MYH9: variants seen among roughly 807,000 people sequenced by gnomAD.
MYH9 encodes the protein myosin heavy chain 9.
In MYH9, 29 loss-of-function variants were observed where a neutral mutation model predicts 241.9. That is an observed-to-expected ratio of 0.12 (90% CI 0.09 to 0.16). MYH9 has a LOEUF of 0.16. Among genes scored for constraint, MYH9 ranks in the 10% least tolerant of loss-of-function variants. The pLI, the probability that MYH9 is intolerant of heterozygous loss-of-function variation, is 1.00. For missense variants in MYH9, 1,803 were observed against 2,595.5 expected, an observed-to-expected ratio of 0.69 and a Z score of 6.63; for synonymous variants, 1,047 against 1,062.6, an observed-to-expected ratio of 0.99 and a Z score of 0.29.
chr22:36,383,828 C>T (rs754473443), intron 1 of MYH9, among the ~76,000 whole-genome samples: 33 of 151,882 alleles, frequency 2.2e-4, no homozygotes, highest in Non-Finnish European at 3.8e-4. Context: ...CGCATGGTGG[C>T]GGGCACCTGT....
intron 1 of MYH9, among the ~76,000 whole-genome samples, chr22:36,366,934 G>C (rs552860903): frequency 3.3e-5 from 5 of 151,894 alleles, no homozygotes; most frequent in African/African-American, 4.9e-5. Flanking sequence ...CGACACTCAC[G>C]TGTGCACACT....
chr22:36,368,368 C>T (rs1476476058), intron 1 of MYH9, among the ~76,000 whole-genome samples: 2 of 152,304 alleles, frequency 1.3e-5, no homozygotes, highest in Middle Eastern at 3.4e-3. Context: ...CACTAGCTGC[C>T]GGTGTCTGTA....
At chr22:36,340,435 T>G (rs2017567362) in intron 3 of MYH9, among the ~76,000 whole-genome samples, 1 of 151,346 alleles carries the variant, frequency 6.6e-6, no homozygotes, top group Non-Finnish European at 1.5e-5. Context: ...CCGAGGTGGG[T>G]GGATCACCTG....
At chr22:36,357,641 A>G (rs2017877067) in intron 1 of MYH9, among the ~76,000 whole-genome samples, 1 of 152,158 alleles carries the variant, frequency 6.6e-6, no homozygotes, top group African/African-American at 2.4e-5. Flanking sequence ...ACGCAGCACT[A>G]TGAAGCCAGA....
intron 13 of MYH9, 22 bp downstream of exon 13, chr22:36,314,123 T>G (rs755188501): frequency 2.1e-5 from 34 of 1,611,750 alleles, no homozygotes; most frequent in Non-Finnish European, 2.8e-5. Flanking sequence ...AGGTGTGAGG[T>G]CAAAGCAAGC....
Position 36,288,686 on chromosome 22 carries a change from C to G in MYH9, c.4770+41G>C. 1 of 1,597,034 alleles carries G rather than the reference C, an allele frequency of 6.3e-7. No individual in the cohort carries two copies. The highest frequency in any genetic ancestry group is 1.1e-5 in the South Asian group (1 of 91,010). ...AACAGAAGCCTGCGTGAAGCCAAGG[C>G]AGCCTTGGGCACCCATGGGGTAGCA... On this transcript the variant is annotated intron_variant, in intron 33 of 40. Coordinates refer to ENST00000216181, the MANE Select transcript of MYH9 (RefSeq NM_002473.6). This position sits in a 1 kb window ranked among gnomAD's most constrained non-coding sequence, Gnocchi z 4.8.
At position 36,349,226 on chromosome 22, in the gene MYH9, T is replaced by C. The variant is rs773960235; in HGVS notation, c.11A>G (p.Gln4Arg). 69 of 1,614,046 alleles carry C rather than the reference T, an allele frequency of 4.3e-5. 3 individuals carry two copies. The highest frequency in any genetic ancestry group is 3.6e-4 in the East Asian group (16 of 44,892). The change falls in exon 2 of 41, where the codon CAA becomes CGA. Residue 4 changes from glutamine (Q) to arginine (R), a missense_variant. Gln to Arg is a conservative substitution (Grantham distance 43). This residue lies in a region of MYH9 where 75 missense variants were observed against 79.1 expected (regional missense o/e 0.95). Transcript: ENST00000216181. ...CACATAGAGATACTTATCGGCAGCT[T>C]GCTGTGCCATGGTGACTTATAGCCA... MAQ[Q>R]AADKYLYVDK...
intron 31 of MYH9, among the ~76,000 whole-genome samples, chr22:36,290,913 A>G (rs1245274621): frequency 7.0e-6 from 1 of 142,136 alleles, no homozygotes; most frequent in Non-Finnish European, 1.5e-5. Context: ...CTGCCTGGCA[A>G]CCGCCCCGTC....
chr22:36,340,743 C>T (rs1465104965), intron 3 of MYH9, among the ~76,000 whole-genome samples: 2 of 151,868 alleles, frequency 1.3e-5, no homozygotes, highest in Non-Finnish European at 2.9e-5. Flanking sequence ...TCCTGAGAGC[C>T]GTGGACTTAG....
intron 3 of MYH9, among the ~76,000 whole-genome samples, chr22:36,328,358 G>A (rs1193832402): frequency 1.3e-5 from 2 of 152,226 alleles, no homozygotes; most frequent in African/African-American, 4.8e-5. Flanking sequence ...AGGCATCCTG[G>A]CTGTTCAGTA....
rs1325356872 is a variant in MYH9 at position 36,281,906 on chromosome 22, G to A, written c.*762C>T. The A allele has an allele frequency of 8.6e-6, 2 of 231,672 alleles. No individual in the cohort carries two copies. The highest frequency in any genetic ancestry group is 8.6e-6 in the Non-Finnish European group (1 of 116,926). 14.4% of individuals were successfully genotyped at this position (231,672 alleles called of 1,614,324 possible). On this transcript the variant is annotated 3_prime_UTR_variant, in exon 41 of 41. Transcript: ENST00000216181. ...CCAAGAGTGTTGGGAGAAGCCACTG[G>A]AAGGCTGCTGGCCTTTCCAGCTTGA...
intron 3 of MYH9, among the ~76,000 whole-genome samples, chr22:36,338,122 T>C (rs1381614515): frequency 6.6e-6 from 1 of 152,056 alleles, no homozygotes; most frequent in Non-Finnish European, 1.5e-5. Flanking sequence ...CTCAGCCTCC[T>C]GAGTAGTTGG....
intron 3 of MYH9, among the ~76,000 whole-genome samples, chr22:36,331,995 G>A (rs1283976210): frequency 6.6e-6 from 1 of 152,218 alleles, no homozygotes; most frequent in Non-Finnish European, 1.5e-5. Context: ...CCCCTGGGGG[G>A]TGGCTTGCTA....
chr22:36,368,166 G>A (rs2018039127), intron 1 of MYH9, among the ~76,000 whole-genome samples: 1 of 152,166 alleles, frequency 6.6e-6, no homozygotes. Context: ...TCTGTACAAT[G>A]GGAATGAAAA....
At chr22:36,358,861 C>T (rs951165647) in intron 1 of MYH9, among the ~76,000 whole-genome samples, 1 of 152,190 alleles carries the variant, frequency 6.6e-6, no homozygotes, top group African/African-American at 2.4e-5. Flanking sequence ...CAAAATGGTT[C>T]GACAGCTCCA....
chr22:36,345,587 C>T (rs1041636392), intron 2 of MYH9, among the ~76,000 whole-genome samples: 15 of 152,218 alleles, frequency 9.9e-5, no homozygotes, highest in Non-Finnish European at 2.1e-4. Flanking sequence ...GTCACCCCCA[C>T]AGACACACTG....
chr22:36,343,193 A>C (rs2017616554), intron 2 of MYH9, among the ~76,000 whole-genome samples: 1 of 152,112 alleles, frequency 6.6e-6, no homozygotes, highest in South Asian at 2.1e-4. Context: ...GCAGCAATTG[A>C]CTAAAGGCAG....
In MYH9 at chr22:36,317,637, A is replaced by G. The variant is rs148447284; in HGVS notation, c.1227+570T>C. Among the ~76,000 whole-genome samples, 38 of 152,374 alleles carry G rather than the reference A, an allele frequency of 2.5e-4. 1 individual carries two copies. In the East Asian group the frequency reaches 7.1e-3, roughly 29 times the overall value. ...TGGCACCCTAAAAACCCCCATGGCC[A>G]GCACCATAAAAGAAACTAGAAACCC... On this transcript the variant is annotated intron_variant, in intron 11 of 40. Transcript: ENST00000216181.
At position 36,289,302 on chromosome 22, in the gene MYH9, GA is replaced by G; in HGVS notation, c.4345-6del. 6.2e-7 allele frequency: 1 copy of G among 1,605,146 alleles called. No individual in the cohort carries two copies. On this transcript the variant is annotated splice_region_variant and splice_polypyrimidine_tract_variant and intron_variant, in intron 31 of 40. Transcript: ENST00000216181. ...GGTCTTCTCCTCCGCCAGGAGCTGG[GA>G]AAGAGGTGGGCACCATGAGGCTCAG...
Sources: allele counts gnomAD v4.1 joint callset (sites outside exome capture counted in the v4.1 genomes callset), GRCh38; gene constraint gnomAD v4.1.1; regional missense constraint gnomAD v4.1.1; non-coding constraint Gnocchi (gnomAD v3.1); transcripts MANE v1.5; gene names NCBI Gene and HGNC (gene_info 2026-07-23, HGNC 2026-07-21).